Variants in VPS41 observed in about 807,000 individuals in gnomAD.
VPS41 encodes the protein vacuolar protein sorting-associated protein 41 homolog.
Under a neutral mutation model 130.9 loss-of-function variants are expected in VPS41, and 85 were observed. The observed-to-expected ratio is 0.65, with a 90% CI of 0.55 to 0.78. The LOEUF is 0.78. VPS41 is among the 30% of genes least tolerant of loss of function. VPS41 has a pLI of 0.00. For missense variants in VPS41, 874 were observed against 1,018.7 expected, an observed-to-expected ratio of 0.86 and a Z score of 1.93; for synonymous variants, 335 against 332.9, an observed-to-expected ratio of 1.01 and a Z score of -0.07.
At chr7:38,837,249 C>G (rs992023977) in intron 4 of VPS41, among the ~76,000 whole-genome samples, 2 of 152,090 alleles carry the variant, frequency 1.3e-5, no homozygotes, top group Admixed American at 1.3e-4. Context: ...CTGGACAAAG[C>G]AAAAAGACCA....
chr7:38,797,330 A>G (rs1480737624), intron 7 of VPS41, among the ~76,000 whole-genome samples: 1 of 152,198 alleles, frequency 6.6e-6, no homozygotes, highest in South Asian at 2.1e-4. Context: ...TAATTGAACA[A>G]TGACTTTTGA....
intron 3 of VPS41, 40 bp from the exon 4 acceptor site, chr7:38,862,662 T>G: frequency 8.0e-4 from 874 of 1,087,452 alleles, no homozygotes; most frequent in Non-Finnish European, 1.1e-3. Flanking sequence ...TAATTAATAA[T>G]ACTATTAATA....
At chr7:38,777,370 T>TA (rs1371475517) in intron 10 of VPS41, among the ~76,000 whole-genome samples, 2 of 10,164 alleles carry the variant, frequency 2.0e-4, no homozygotes, top group Non-Finnish European at 3.2e-4. Context: ...TCTCTTTCCT[T>TA]TAAAAAAAAA....
intron 4 of VPS41, among the ~76,000 whole-genome samples, chr7:38,841,441 T>C (rs1785606052): frequency 6.6e-6 from 1 of 152,234 alleles, no homozygotes; most frequent in African/African-American, 2.4e-5. Flanking sequence ...GTCTTCTACC[T>C]GAATGACACC....
chr7:38,769,939 C>T (rs564637122), intron 14 of VPS41, among the ~76,000 whole-genome samples: 3 of 152,250 alleles, frequency 2.0e-5, no homozygotes, highest in African/African-American at 7.2e-5. Context: ...TAATTACGAA[C>T]GGCACTTCAG....
At chr7:38,778,822 TGACA>T (rs1375049464) in intron 10 of VPS41, among the ~76,000 whole-genome samples, 1 of 152,174 alleles carries the variant, frequency 6.6e-6, no homozygotes, top group African/African-American at 2.4e-5. Flanking sequence ...CTAGTCTCAC[TGACA>T]GACACTGTCA....
chr7:38,802,393 A>G (rs1157697591), intron 7 of VPS41, among the ~76,000 whole-genome samples: 2 of 152,082 alleles, frequency 1.3e-5, no homozygotes, highest in Non-Finnish European at 2.9e-5. Flanking sequence ...TTCTTCACTC[A>G]TGAGTCCACT....
At chr7:38,897,174 A>G (rs570370725) in intron 2 of VPS41, among the ~76,000 whole-genome samples, 1 of 145,118 alleles carries the variant, frequency 6.9e-6, no homozygotes, top group African/African-American at 2.6e-5. Flanking sequence ...AGCCTAGGTG[A>G]CAAGAGTGAA....
At chr7:38,785,907 C>G (rs1784429055) in intron 10 of VPS41, among the ~76,000 whole-genome samples, 1 of 152,096 alleles carries the variant, frequency 6.6e-6, no homozygotes, top group Non-Finnish European at 1.5e-5. Flanking sequence ...CAGGATAAAG[C>G]AAGTGAAAAT....
intron 4 of VPS41, among the ~76,000 whole-genome samples, chr7:38,842,576 G>A (rs899948363): frequency 6.6e-6 from 1 of 152,052 alleles, no homozygotes; most frequent in Non-Finnish European, 1.5e-5. Context: ...TTTTCACTGC[G>A]TGGCTCCACC....
intron 4 of VPS41, among the ~76,000 whole-genome samples, chr7:38,833,695 T>C (rs889976863): frequency 1.3e-5 from 2 of 152,226 alleles, no homozygotes; most frequent in Non-Finnish European, 2.9e-5. Flanking sequence ...GTGTATCTTT[T>C]ACTTATTTGT....
In VPS41 at chr7:38,724,002, T is replaced by C. The variant is rs1795487555; in HGVS notation, c.*2244A>G. ...ACATTCTAAGGAACGAAAGCTAGTG[T>C]TTTTTATTAACGATAAAATCTATAT... On this transcript the variant is annotated 3_prime_UTR_variant, in exon 29 of 29. Transcript: ENST00000310301. 6.6e-6 allele frequency: 1 copy of C among 152,180 alleles called. No homozygotes were observed. The highest frequency in any genetic ancestry group is 2.4e-5 in the African/African-American group (1 of 41,448). 9.4% of individuals were successfully genotyped at this position (152,180 alleles called of 1,614,324 possible).
intron 11 of VPS41, among the ~76,000 whole-genome samples, chr7:38,774,583 A>C (rs1249686647): frequency 6.6e-6 from 1 of 152,184 alleles, no homozygotes; most frequent in Non-Finnish European, 1.5e-5. Context: ...TATATTTAAA[A>C]ATTGACCACT....
intron 22 of VPS41, among the ~76,000 whole-genome samples, chr7:38,749,228 T>C (rs1796045708): frequency 1.3e-5 from 2 of 152,106 alleles, no homozygotes; most frequent in South Asian, 4.2e-4. Flanking sequence ...CCAAATACTA[T>C]TGATTGTGGG....
chr7:38,756,773 A>G (rs1783802775), intron 19 of VPS41, 65 bp downstream of exon 19: 10 of 1,201,168 alleles, frequency 8.3e-6, no homozygotes, highest in Non-Finnish European at 1.1e-5. Flanking sequence ...TTGGATAGAT[A>G]TCTAAGTATT....
At chr7:38,778,495 G>C (rs546927296) in intron 10 of VPS41, among the ~76,000 whole-genome samples, 2 of 152,320 alleles carry the variant, frequency 1.3e-5, no homozygotes, top group African/African-American at 4.8e-5. Flanking sequence ...TGATGAAAGA[G>C]ATGGCAGTTT....
chr7:38,869,283 C>T (rs1407786459), intron 2 of VPS41, 30 bp from the exon 3 acceptor site: 6 of 1,493,192 alleles, frequency 4.0e-6, no homozygotes, highest in Non-Finnish European at 5.6e-6. Flanking sequence ...AAATGACACC[C>T]GTCAGAGATT....
intron 7 of VPS41, among the ~76,000 whole-genome samples, chr7:38,808,318 ATACTT>A (rs1363047911): frequency 6.6e-6 from 1 of 152,326 alleles, no homozygotes; most frequent in East Asian, 1.9e-4. Context: ...TCACCGAAAA[ATACTT>A]TAAACAGTAG....
chr7:38,830,327 C>T lies in VPS41; in HGVS notation c.248G>A (p.Ser83Asn), dbSNP rs2116169604. Residue 83 changes from serine to asparagine, a missense_variant and splice_region_variant, in exon 5 of 29, where the codon AGT becomes AAT. Physicochemically the swap from Ser to Asn is conservative, Grantham distance 46. Transcript: ENST00000310301. ...QGNITQKFDVSPVKINQISLD... is the reference protein window; with the variant it reads ...QGNITQKFDVNPVKINQISLD... Reference sequence around the variant, plus strand: ...GCTAATCTGATTTATCTTCACAGGACTCTAAAAAGAAAAAGACAAAAAGAT... The same window carrying T: ...GCTAATCTGATTTATCTTCACAGGATTCTAAAAAGAAAAAGACAAAAAGAT... 1 of 1,603,034 alleles carries T rather than the reference C, an allele frequency of 6.2e-7. No homozygotes were observed. The highest frequency in any genetic ancestry group is 1.1e-5 in the South Asian group (1 of 90,876).
Sources: gnomAD v4.1 joint callset for allele counts (sites outside exome capture counted in the v4.1 genomes callset) on GRCh38, gnomAD v4.1.1 for gene constraint, MANE v1.5 for transcripts, NCBI Gene and HGNC (gene_info 2026-07-23, HGNC 2026-07-21) for gene names.